The following ERBB4 variants were observed in gnomAD, a reference collection of about 807,000 sequenced individuals.
ERBB4 encodes receptor tyrosine-protein kinase erbB-4.
ERBB4 carries 42 observed loss-of-function variants against 158.0 expected under a neutral mutation model. That is an observed-to-expected ratio of 0.27 (90% confidence interval 0.21 to 0.34). The LOEUF (loss-of-function observed/expected upper bound fraction) is 0.34. ERBB4 is among the 10% of genes least tolerant of loss of function. The probability of loss-of-function intolerance (pLI) is 1.00; values close to 1 mark genes in which losing one functional copy is unlikely to be tolerated. For missense variants in ERBB4, 1,333 were observed against 1,624.1 expected (o/e 0.82, Z 3.08); for synonymous variants, 583 against 558.7 (o/e 1.04, Z -0.61).
intron 20 of ERBB4, among the ~76,000 whole-genome samples, chr2:211,540,550 GT>G (rs1382324162): frequency 6.6e-6 from 1 of 151,140 alleles, no homozygotes; most frequent in African/African-American, 2.4e-5. Context: ...TTTTGTTTTT[GT>G]TTTTGTTTTT....
chr2:212,419,415 A>G (rs920812683), intron 1 of ERBB4, among the ~76,000 whole-genome samples: 3 of 151,912 alleles, frequency 2.0e-5, no homozygotes, highest in Non-Finnish European at 4.4e-5. Context: ...TGACATTTTC[A>G]GAATCATACT....
At chr2:211,473,675 C>G (rs2064885377) in intron 20 of ERBB4, among the ~76,000 whole-genome samples, 1 of 151,932 alleles carries the variant, frequency 6.6e-6, no homozygotes, top group Admixed American at 6.6e-5. Context: ...CCTGAGGGAA[C>G]CAAATGTTTA....
chr2:211,869,508 A>G (rs367948887), intron 3 of ERBB4, among the ~76,000 whole-genome samples: 1 of 152,152 alleles, frequency 6.6e-6, no homozygotes. Context: ...GTCTGTTTAT[A>G]TTATTTCTCT....
At chr2:211,703,708 T>C (rs2073336602) in intron 11 of ERBB4, among the ~76,000 whole-genome samples, 1 of 152,128 alleles carries the variant, frequency 6.6e-6, no homozygotes, top group African/African-American at 2.4e-5. Context: ...GTAGTTCAAT[T>C]ATAGCACCAG....
chr2:212,283,763 A>C (rs1475386731), intron 1 of ERBB4, among the ~76,000 whole-genome samples: 1 of 152,024 alleles, frequency 6.6e-6, no homozygotes, highest in Admixed American at 6.6e-5. Context: ...TTTTCCCTAT[A>C]CAATGGCTCA....
Position 211,861,034 on chromosome 2 carries a change from AATATATTT to A in ERBB4, c.422-72883_422-72876del, listed in dbSNP as rs1464959292. ...TATATATTTATATATATATAAATAT[AATATATTT>A]ATATATTTATATATATATAAATATA... On this transcript the variant is annotated intron_variant, in intron 3 of 27. Transcript: ENST00000342788. Among the ~76,000 whole-genome samples the A allele has an allele frequency of 1.3e-3, 11 of 8,254 alleles. 3 individuals are homozygous for A. The highest frequency in any genetic ancestry group is 4.6e-3 in the Admixed American group (2 of 432). The allele number at this position is 8,254 out of a possible 152,430, so 5.4% of individuals were successfully genotyped here. A position where few individuals can be genotyped will look rare whatever the true frequency, so the allele number is the denominator to read the frequency against.
rs538918615 is a variant in ERBB4, at chr2:211,807,387, C to T, written c.422-19228G>A. Among the ~76,000 whole-genome samples the T allele has an allele frequency of 1.6e-4, 24 of 152,172 alleles. No individual in the cohort carries two copies. In the South Asian group the frequency reaches 4.2e-3, roughly 26 times the overall value. On this transcript the variant is annotated intron_variant, in intron 3 of 27. Transcript: ENST00000342788. ...CAGTTCCCACCTATGATTGAGAACACGCGATGTTTGGTTTTCTGTCCTTGT... is the reference window on the plus strand; with the variant it reads ...CAGTTCCCACCTATGATTGAGAACATGCGATGTTTGGTTTTCTGTCCTTGT...
At position 211,876,134 on chromosome 2, in the gene ERBB4, G is replaced by A. The variant is rs115095633; in HGVS notation, c.421+71296C>T. Among the ~76,000 whole-genome samples the A allele has an allele frequency of 2.3e-3, 357 of 152,218 alleles. 5 individuals carry two copies. Among genetic ancestry groups the A allele is most frequent in the African/African-American group, 8.4e-3 (348 of 41,544 alleles). On this transcript the variant is annotated intron_variant, in intron 3 of 27. Coordinates refer to ENST00000342788, the MANE Select transcript of ERBB4 (RefSeq NM_005235.3). ...AGGCTTTCTCTCTTCACTTACTTCA[G>A]TGACACATTCAATTTTTGATCAAGA...
At position 211,936,030 on chromosome 2, in the gene ERBB4, T is replaced by A. The variant is rs377607603; in HGVS notation, c.421+11400A>T. Among the ~76,000 whole-genome samples the A allele has an allele frequency of 2.0e-3, 303 of 152,268 alleles. 4 individuals are homozygous for A. The South Asian group carries it at 0.024, about 12-fold the overall frequency. On this transcript the variant is annotated intron_variant, in intron 3 of 27. Coordinates refer to ENST00000342788, the MANE Select transcript of ERBB4 (RefSeq NM_005235.3). ...AAAGGCACAAAGCCTAAATGAATTC[T>A]AGTTATATGAATAATTTTTTAAAAC... is the stretch of plus-strand genomic sequence containing the variant.
chr2:211,777,990 A>G (rs2075928669), intron 4 of ERBB4: 1 of 152,292 alleles, frequency 6.6e-6, no homozygotes, highest in South Asian at 2.1e-4. Context: ...AAACCACTTT[A>G]ATTAAGCTAA....
chr2:211,461,995 G>T (rs1182758280), intron 20 of ERBB4, among the ~76,000 whole-genome samples: 1 of 151,918 alleles, frequency 6.6e-6, no homozygotes, highest in African/African-American at 2.4e-5. Context: ...AAAATGCTCC[G>T]GTAATGGCAA....
chr2:212,397,623 T>C (rs1178275148), intron 1 of ERBB4, among the ~76,000 whole-genome samples: 5 of 152,150 alleles, frequency 3.3e-5, no homozygotes, highest in African/African-American at 1.2e-4. Flanking sequence ...TTCCTATATC[T>C]TAACAACATG....
intron 20 of ERBB4, among the ~76,000 whole-genome samples, chr2:211,485,875 G>A (rs1241613363): frequency 6.6e-6 from 1 of 151,778 alleles, no homozygotes; most frequent in Non-Finnish European, 1.5e-5. Flanking sequence ...AAAAAGAAAA[G>A]AAATAAAAGG....
chr2:211,796,103 C>A (rs536050074), intron 3 of ERBB4, among the ~76,000 whole-genome samples: 103 of 151,994 alleles, frequency 6.8e-4, no homozygotes, highest in Non-Finnish European at 1.1e-3. Flanking sequence ...ATGTAACCAG[C>A]ACTCAGATCA....
chr2:211,767,482 C>T lies in ERBB4; in HGVS notation c.557-16778G>A, dbSNP rs142736579. On this transcript the variant is annotated intron_variant, in intron 4 of 27. Transcript: ENST00000342788. Reference sequence around the variant, plus strand: ...ATTTAGTAAAAATGATGTATTAGTCCGTTCTCATGCTGCTAATAAAGACCT... The same window carrying T: ...ATTTAGTAAAAATGATGTATTAGTCTGTTCTCATGCTGCTAATAAAGACCT... Among the ~76,000 whole-genome samples the T allele has an allele frequency of 3.8e-3, 581 of 152,110 alleles. 5 individuals are homozygous for T. The highest frequency in any genetic ancestry group is 0.014 in the Middle Eastern group (4 of 294).
chr2:211,534,697 A>C (rs998771469), intron 20 of ERBB4, among the ~76,000 whole-genome samples: 3 of 152,098 alleles, frequency 2.0e-5, no homozygotes, highest in Non-Finnish European at 2.9e-5. Context: ...CTAAATGAGC[A>C]GTCAGGGATA....
chr2:211,589,734 T>C (rs1306125674), intron 19 of ERBB4, among the ~76,000 whole-genome samples: 1 of 152,180 alleles, frequency 6.6e-6, no homozygotes, highest in Non-Finnish European at 1.5e-5. Flanking sequence ...GCCTAATACT[T>C]CTGAATTCAA....
intron 4 of ERBB4, among the ~76,000 whole-genome samples, chr2:211,773,618 ATATATATATAT>A (rs1393371218): frequency 5.4e-5 from 3 of 55,492 alleles, no homozygotes; most frequent in Non-Finnish European, 1.1e-4. Flanking sequence ...ATATATATAT[ATATATATATAT>A]ATATATATAT....
At chr2:211,695,737 T>G (rs1280456324) in intron 12 of ERBB4, among the ~76,000 whole-genome samples, 1 of 152,148 alleles carries the variant, frequency 6.6e-6, no homozygotes, top group Non-Finnish European at 1.5e-5. Context: ...ATTTTTCTTC[T>G]GCGTAAAAAA....
Sources: gnomAD v4.1 joint callset for allele counts (sites outside exome capture counted in the v4.1 genomes callset) on GRCh38, gnomAD v4.1.1 for gene constraint, MANE v1.5 for transcripts, NCBI Gene and HGNC (gene_info 2026-07-23, HGNC 2026-07-21) for gene names.